Variants in XKR9 observed in about 807,000 individuals in gnomAD.
XKR9 encodes XK related 9, also known as XK-related protein 9.
XKR9 carries 32 observed loss-of-function variants against 32.0 expected under a neutral mutation model. The ratio of observed to expected loss-of-function variants is 1.00; its 90% CI spans 0.76 to 1.34. The LOEUF is 1.34. Ranked by LOEUF, XKR9 falls within the 40% of genes most tolerant of loss-of-function variation. The pLI is 0.00. For synonymous variants in XKR9, 168 were observed against 143.4 expected (o/e 1.17, Z -1.22); for missense variants, 546 against 429.7 (o/e 1.27, Z -2.39).
chr8:70,699,007 C>T (rs953170206), intron 3 of XKR9, among the ~76,000 whole-genome samples: 1 of 152,018 alleles, frequency 6.6e-6, no homozygotes, highest in Non-Finnish European at 1.5e-5. Context: ...AGGATTGCAA[C>T]CCCTGCCTTT....
chr8:70,712,792 CT>C (rs1391944962), intron 4 of XKR9, among the ~76,000 whole-genome samples: 1 of 152,120 alleles, frequency 6.6e-6, no homozygotes, highest in East Asian at 1.9e-4. Context: ...TGATTCTAGA[CT>C]GATAGTACCC....
the XKR9 span, among the ~76,000 whole-genome samples, chr8:70,952,665 G>A: frequency 2.6e-5 from 4 of 152,332 alleles, no homozygotes; most frequent in African/African-American, 9.6e-5. Flanking sequence ...CTGGGATGGA[G>A]ACAGGGTCAT....
chr8:70,910,990 G>C, the XKR9 span, among the ~76,000 whole-genome samples: 2 of 152,144 alleles, frequency 1.3e-5, no homozygotes, highest in African/African-American at 4.8e-5. Flanking sequence ...CTTCTCTTCT[G>C]TTGCTTCTCT....
chr8:70,680,502 T>C (rs1226396939), intron 2 of XKR9, among the ~76,000 whole-genome samples: 1 of 152,132 alleles, frequency 6.6e-6, no homozygotes, highest in African/African-American at 2.4e-5. Context: ...TACCATTTCC[T>C]TATGTTGAAA....
At chr8:70,880,891 C>G in the XKR9 span, among the ~76,000 whole-genome samples, 19 of 152,086 alleles carry the variant, frequency 1.2e-4, no homozygotes, top group African/African-American at 3.1e-4. Context: ...CTACAGTAAC[C>G]AAAACAGCAT....
At chr8:70,846,309 C>T in the XKR9 span, among the ~76,000 whole-genome samples, 1 of 152,092 alleles carries the variant, frequency 6.6e-6, no homozygotes, top group South Asian at 2.1e-4. Context: ...TTAAGGGAGT[C>T]TTACAATGGG....
At chr8:71,006,850 G>A in the XKR9 span, among the ~76,000 whole-genome samples, 2 of 152,152 alleles carry the variant, frequency 1.3e-5, no homozygotes, top group Non-Finnish European at 2.9e-5. Context: ...ATAGAGTTGA[G>A]GAGTTTTAGA....
the XKR9 span, among the ~76,000 whole-genome samples, chr8:70,989,425 A>G: frequency 7.0e-4 from 106 of 152,224 alleles, no homozygotes; most frequent in Non-Finnish European, 1.3e-4. Context: ...TAAATTACAA[A>G]ATATTTTCAG....
the XKR9 span, among the ~76,000 whole-genome samples, chr8:71,003,302 G>T: frequency 3.8e-5 from 3 of 79,214 alleles, no homozygotes; most frequent in Admixed American, 2.4e-4. Flanking sequence ...GCAAATGAGT[G>T]GGGGGAAAAA....
the XKR9 span, among the ~76,000 whole-genome samples, chr8:70,950,412 A>G: frequency 6.6e-6 from 1 of 152,114 alleles, no homozygotes; most frequent in Admixed American, 6.6e-5. Context: ...TTATCTAGGC[A>G]AAGAGGGGAA....
chr8:71,021,243 A>T, the XKR9 span, among the ~76,000 whole-genome samples: 1 of 152,160 alleles, frequency 6.6e-6, no homozygotes, highest in African/African-American at 2.4e-5. Flanking sequence ...ACCTCCCATT[A>T]GGCCCTACTT....
At chr8:71,010,074 T>C in the XKR9 span, among the ~76,000 whole-genome samples, 1 of 152,184 alleles carries the variant, frequency 6.6e-6, no homozygotes, top group Non-Finnish European at 1.5e-5. Flanking sequence ...TAGCAAGTTA[T>C]TTAATCTCTC....
chr8:70,698,840 C>A (rs1453227763), intron 3 of XKR9, among the ~76,000 whole-genome samples: 3 of 151,910 alleles, frequency 2.0e-5, no homozygotes, highest in African/African-American at 4.8e-5. Flanking sequence ...GTAGGTCACT[C>A]GGGACTTGCT....
the XKR9 span, among the ~76,000 whole-genome samples, chr8:71,025,923 A>G: frequency 2.0e-5 from 3 of 151,972 alleles, no homozygotes; most frequent in Non-Finnish European, 4.4e-5. Flanking sequence ...TCCATATCCT[A>G]CATTTCTTGT....
chr8:70,893,277 C>T, the XKR9 span, among the ~76,000 whole-genome samples: 7 of 152,074 alleles, frequency 4.6e-5, no homozygotes, highest in Non-Finnish European at 1.0e-4. Flanking sequence ...TCTGTATTTT[C>T]TTATATTTCA....
downstream of XKR9, among the ~76,000 whole-genome samples, chr8:70,791,092 G>A (rs144496244): frequency 4.9e-4 from 74 of 152,128 alleles, no homozygotes; most frequent in African/African-American, 1.7e-3. Flanking sequence ...TCAGGGGTGA[G>A]ATATAAACAT....
chr8:70,741,343 G>A (rs557032297), intron 2 of XKR9, among the ~76,000 whole-genome samples: 148 of 152,198 alleles, frequency 9.7e-4, no homozygotes, highest in Non-Finnish European at 1.7e-3. Context: ...TTATGATAGA[G>A]CAAAGAGGCC....
At chr8:70,712,226 C>G in intron 4 of XKR9, among the ~76,000 whole-genome samples, 1 of 151,750 alleles carries the variant, frequency 6.6e-6, no homozygotes, top group Middle Eastern at 3.4e-3. Flanking sequence ...TTAAATCAAC[C>G]CTTCCACTGA....
chr8:70,731,049 C>A lies in XKR9; in HGVS notation c.494-2747C>A, dbSNP rs898108319. On this transcript the variant is annotated intron_variant, in intron 4 of 4. Coordinates refer to ENST00000408926, the MANE Select transcript of XKR9 (RefSeq NM_001011720.2). ...TCCCACAGCAAAGTTTGTAACTGAC[C>A]AGCCTGCTAGGCTGGCTTTAAAAGC... 5.9e-5 allele frequency among the ~76,000 whole-genome samples: 9 copies of A among 152,136 alleles called. 1 individual carries two copies. Among genetic ancestry groups the A allele is most frequent in the Admixed American group, 5.2e-4 (8 of 15,264 alleles).
Sources: allele counts gnomAD v4.1 joint callset (sites outside exome capture counted in the v4.1 genomes callset), GRCh38; gene constraint gnomAD v4.1.1; transcripts MANE v1.5; gene names NCBI Gene and HGNC (gene_info 2026-07-23, HGNC 2026-07-21).